WDR59: variants seen among roughly 807,000 people sequenced by gnomAD.
The protein encoded by WDR59 is WD repeat domain 59.
WDR59 carries 100 observed loss-of-function variants against 131.2 expected under a neutral mutation model. The ratio of observed to expected loss-of-function variants is 0.76; its 90% CI spans 0.65 to 0.90. WDR59 has a LOEUF of 0.90. WDR59 is among the 40% of genes least tolerant of loss of function. The pLI, the probability that WDR59 is intolerant of heterozygous loss-of-function variation, is 0.00. For synonymous variants in WDR59, 601 were observed against 466.2 expected (o/e 1.29, Z -3.72); for missense variants, 1,203 against 1,262.2 (o/e 0.95, Z 0.71).
intron 17 of WDR59, among the ~76,000 whole-genome samples, chr16:74,905,982 C>A (rs183604521): frequency 6.6e-6 from 1 of 151,926 alleles, no homozygotes; most frequent in African/African-American, 2.4e-5. Flanking sequence ...AGAAGCTGCT[C>A]GACATCATTC....
chr16:74,914,716 C>T (rs555867188), intron 13 of WDR59, among the ~76,000 whole-genome samples: 14 of 151,842 alleles, frequency 9.2e-5, no homozygotes, highest in Admixed American at 7.9e-4. Flanking sequence ...GCCTCAGCCT[C>T]GTGAATAGCC....
chr16:74,949,085 C>T (rs1290810439), intron 5 of WDR59, among the ~76,000 whole-genome samples: 1 of 152,104 alleles, frequency 6.6e-6, no homozygotes, highest in East Asian at 1.9e-4. Flanking sequence ...TTTGGGACAC[C>T]AAGGTGGAAG....
chr16:74,969,645 C>A (rs1319319950), intron 1 of WDR59, among the ~76,000 whole-genome samples: 1 of 151,784 alleles, frequency 6.6e-6, no homozygotes, highest in Non-Finnish European at 1.5e-5. Context: ...CTTTAGCTCA[C>A]TGCCACCTCT....
At chr16:74,910,376 T>C (rs1341677895) in intron 14 of WDR59, among the ~76,000 whole-genome samples, 1 of 152,200 alleles carries the variant, frequency 6.6e-6, no homozygotes, top group African/African-American at 2.4e-5. Flanking sequence ...AATTTCTACC[T>C]CTACCGAGGT....
At chr16:74,927,726 G>T (rs966757421) in intron 8 of WDR59, among the ~76,000 whole-genome samples, 1 of 138,712 alleles carries the variant, frequency 7.2e-6, no homozygotes, top group Non-Finnish European at 1.5e-5. Flanking sequence ...ACAAAACTCA[G>T]CTTTCTCATT....
intron 1 of WDR59, among the ~76,000 whole-genome samples, chr16:74,983,893 A>G (rs2034522386): frequency 6.6e-6 from 1 of 150,540 alleles, no homozygotes; most frequent in Admixed American, 6.6e-5. Context: ...GTGGGAGGAT[A>G]GCTTGAGCCC....
chr16:74,941,429 C>T (rs1407611840), intron 7 of WDR59, among the ~76,000 whole-genome samples: 1 of 151,648 alleles, frequency 6.6e-6, no homozygotes. Flanking sequence ...CGTGGTGGCT[C>T]ACGCCTATAA....
At chr16:74,883,098 C>T (rs528319776) in intron 25 of WDR59, among the ~76,000 whole-genome samples, 2 of 143,732 alleles carry the variant, frequency 1.4e-5, no homozygotes, top group Admixed American at 1.4e-4. Flanking sequence ...AATCTCGGCT[C>T]ACCGCAACCT....
At chr16:74,957,873 TGAG>T (rs1463551352) in intron 2 of WDR59, among the ~76,000 whole-genome samples, 4 of 152,084 alleles carry the variant, frequency 2.6e-5, no homozygotes, top group Non-Finnish European at 4.4e-5. Flanking sequence ...AGCAGAACTC[TGAG>T]GAGAGAAGAT....
intron 1 of WDR59, among the ~76,000 whole-genome samples, chr16:74,981,660 A>ATATATATATTTTTT (rs1567451007): frequency 9.9e-5 from 8 of 80,864 alleles, no homozygotes; most frequent in African/African-American, 5.9e-4. Context: ...ATATATATAT[A>ATATATATATTTTTT]TTTTTTTTTT....
intron 1 of WDR59, among the ~76,000 whole-genome samples, chr16:74,974,096 G>A (rs1172993087): frequency 1.3e-5 from 2 of 152,176 alleles, no homozygotes; most frequent in African/African-American, 4.8e-5. Context: ...CTTCAACCCA[G>A]GAGGCAGAGT....
chr16:74,962,069 T>C (rs2033590312), intron 2 of WDR59, among the ~76,000 whole-genome samples: 1 of 152,200 alleles, frequency 6.6e-6, no homozygotes, highest in African/African-American at 2.4e-5. Context: ...TTGATTGTTT[T>C]TGTCAAGTTT....
chr16:74,884,849 G>T (rs1964676306), intron 25 of WDR59, among the ~76,000 whole-genome samples: 1 of 152,100 alleles, frequency 6.6e-6, no homozygotes. Context: ...TGCACCGATG[G>T]CTCCACGGTT....
At chr16:74,960,516 G>T (rs1429829637) in intron 2 of WDR59, among the ~76,000 whole-genome samples, 2 of 151,800 alleles carry the variant, frequency 1.3e-5, no homozygotes, top group African/African-American at 4.8e-5. Context: ...AGGCTGAGGT[G>T]GGTGGATCAC....
intron 4 of WDR59, 81 bp from the exon 5 acceptor site, chr16:74,949,879 C>T (rs1011977115): frequency 2.4e-5 from 30 of 1,248,840 alleles, no homozygotes; most frequent in Non-Finnish European, 3.4e-5. Context: ...CATCGAGTCT[C>T]CAGTGGCTTC....
At chr16:74,981,656 A>ATTTTTTTTTTTT (rs1567450978) in intron 1 of WDR59, among the ~76,000 whole-genome samples, 1 of 29,544 alleles carries the variant, frequency 3.4e-5, no homozygotes, top group African/African-American at 1.3e-4. Context: ...ATATATATAT[A>ATTTTTTTTTTTT]TATATTTTTT....
chr16:74,967,494 C>A (rs1320516189), intron 1 of WDR59, among the ~76,000 whole-genome samples: 3 of 152,264 alleles, frequency 2.0e-5, no homozygotes, highest in Non-Finnish European at 4.4e-5. Flanking sequence ...TCAACATTCA[C>A]TGAACACAAA....
At chr16:74,972,671 A>C (rs1041969831) in intron 1 of WDR59, among the ~76,000 whole-genome samples, 2 of 150,820 alleles carry the variant, frequency 1.3e-5, no homozygotes, top group African/African-American at 4.9e-5. Flanking sequence ...AAATACAAAA[A>C]TTAGCCAGGC....
chr16:74,965,135 G>A (rs1273952066), intron 2 of WDR59, among the ~76,000 whole-genome samples: 1 of 152,074 alleles, frequency 6.6e-6, no homozygotes, highest in Non-Finnish European at 1.5e-5. Flanking sequence ...GAACTCCTTG[G>A]CTCACGTGGT....
Sources: gnomAD v4.1 joint callset for allele counts (sites outside exome capture counted in the v4.1 genomes callset) on GRCh38, gnomAD v4.1.1 for gene constraint, MANE v1.5 for transcripts, NCBI Gene and HGNC (gene_info 2026-07-23, HGNC 2026-07-21) for gene names.